GABRA2: variants seen among roughly 807,000 people sequenced by gnomAD.
GABRA2 encodes the protein gamma-aminobutyric acid receptor subunit alpha-2.
Under a neutral mutation model 48.7 loss-of-function variants are expected in GABRA2, and 16 were observed. The ratio of observed to expected loss-of-function variants is 0.33; its 90% CI spans 0.22 to 0.50. The LOEUF (loss-of-function observed/expected upper bound fraction) is 0.50, where lower values mean the gene tolerates loss of function less well. Among genes scored for constraint, GABRA2 ranks in the 20% least tolerant of loss-of-function variants. GABRA2 has a pLI of 0.98. For synonymous variants in GABRA2, 185 were observed against 184.5 expected (o/e 1.00, Z -0.02); for missense variants, 275 against 535.6 (o/e 0.51, Z 4.80).
chr4:46,376,794 T>C (rs1281048237), intron 3 of GABRA2, among the ~76,000 whole-genome samples: 1 of 150,962 alleles, frequency 6.6e-6, no homozygotes. Flanking sequence ...CCTCTCCCTC[T>C]CTCCACGGTC....
At chr4:46,340,966 C>CT (rs1733119259) in intron 3 of GABRA2, among the ~76,000 whole-genome samples, 1 of 151,518 alleles carries the variant, frequency 6.6e-6, no homozygotes, top group South Asian at 2.1e-4. Context: ...CTCAATTAAC[C>CT]TTTTTTAGAT....
chr4:46,286,162 G>A (rs542897705), intron 8 of GABRA2, among the ~76,000 whole-genome samples: 2 of 151,902 alleles, frequency 1.3e-5, no homozygotes, highest in East Asian at 1.9e-4. Context: ...TGTCTCTATG[G>A]ATTTGTCTAT....
chr4:46,365,347 A>G (rs2109976449), intron 3 of GABRA2: 1 of 152,318 alleles, frequency 6.6e-6, no homozygotes, highest in East Asian at 1.9e-4. Flanking sequence ...CATCCCACAA[A>G]GGAAAAATTT....
intron 8 of GABRA2, among the ~76,000 whole-genome samples, chr4:46,277,699 G>T (rs974516285): frequency 2.6e-5 from 4 of 152,048 alleles, no homozygotes; most frequent in Admixed American, 6.6e-5. Context: ...TTATCCATGG[G>T]CTGCAAATTC....
chr4:46,301,767 T>A (rs1026764177), intron 8 of GABRA2, among the ~76,000 whole-genome samples: 16 of 152,198 alleles, frequency 1.1e-4, no homozygotes, highest in Non-Finnish European at 2.2e-4. Context: ...CCCTTCCTGG[T>A]TATATGGTGC....
intron 3 of GABRA2, among the ~76,000 whole-genome samples, chr4:46,337,163 T>A (rs1732387598): frequency 6.6e-6 from 1 of 152,086 alleles, no homozygotes; most frequent in African/African-American, 2.4e-5. Context: ...TTTAAAAATT[T>A]GTAATACAAG....
intron 4 of GABRA2, among the ~76,000 whole-genome samples, chr4:46,316,777 T>C (rs113734188): frequency 3.9e-5 from 6 of 152,068 alleles, no homozygotes; most frequent in African/African-American, 1.4e-4. Context: ...CCTCTATAAA[T>C]TATCTGTTCA....
At chr4:46,310,716 G>A (rs1267800140) in intron 5 of GABRA2, among the ~76,000 whole-genome samples, 1 of 152,116 alleles carries the variant, frequency 6.6e-6, no homozygotes, top group Non-Finnish European at 1.5e-5. Flanking sequence ...AATTGTTACT[G>A]TATACTGCAT....
intron 9 of GABRA2, among the ~76,000 whole-genome samples, chr4:46,252,249 G>A (rs1171297179): frequency 6.6e-6 from 1 of 151,420 alleles, no homozygotes; most frequent in Admixed American, 6.6e-5. Flanking sequence ...AAGGAAGGAT[G>A]AGAGATCACC....
chr4:46,303,411 T>C (rs1726096641), intron 8 of GABRA2, 49 bp downstream of exon 8: 1 of 1,507,894 alleles, frequency 6.6e-7, no homozygotes, highest in African/African-American at 1.4e-5. Flanking sequence ...TTTTTGAAAG[T>C]ATGCTATGAA....
At chr4:46,289,877 T>C (rs1723254188) in intron 8 of GABRA2, among the ~76,000 whole-genome samples, 1 of 146,608 alleles carries the variant, frequency 6.8e-6, no homozygotes, top group Non-Finnish European at 1.5e-5. Flanking sequence ...TATACCAGTT[T>C]ATTTTATTTA....
intron 9 of GABRA2, among the ~76,000 whole-genome samples, chr4:46,258,360 A>G (rs1228247191): frequency 6.6e-6 from 1 of 151,844 alleles, no homozygotes; most frequent in African/African-American, 2.4e-5. Context: ...TACTGCACAC[A>G]CTTATAATGG....
At chr4:46,332,554 T>A in intron 4 of GABRA2, 61 bp downstream of exon 4, 1 of 950,460 alleles carries the variant, frequency 1.1e-6, no homozygotes, top group South Asian at 1.3e-5. Context: ...GCTAGTTTAT[T>A]TGAAATTACC....
At chr4:46,360,086 G>A (rs943489647) in intron 3 of GABRA2, among the ~76,000 whole-genome samples, 1 of 152,144 alleles carries the variant, frequency 6.6e-6, no homozygotes, top group Non-Finnish European at 1.5e-5. Flanking sequence ...CTTTGAAAAT[G>A]TGACTTACCA....
At chr4:46,362,621 A>G (rs1248941950) in intron 3 of GABRA2, among the ~76,000 whole-genome samples, 6 of 152,246 alleles carry the variant, frequency 3.9e-5, no homozygotes, top group Admixed American at 2.6e-4. Flanking sequence ...AAATAGAATT[A>G]ACTTCAAAAA....
intron 4 of GABRA2, 96 bp downstream of exon 4, chr4:46,332,519 T>C (rs1578082272): frequency 1.8e-5 from 13 of 733,450 alleles, no homozygotes; most frequent in Non-Finnish European, 3.0e-5. Flanking sequence ...ATGAGACATA[T>C]ACATAATTCT....
intron 9 of GABRA2, among the ~76,000 whole-genome samples, chr4:46,255,433 T>G (rs1715624354): frequency 1.3e-5 from 2 of 151,518 alleles, no homozygotes; most frequent in African/African-American, 4.8e-5. Flanking sequence ...GGGAAATAAT[T>G]AAACAGGCTA....
At position 46,304,799 on chromosome 4, in the gene GABRA2, G is replaced by A. The variant is rs140624662; in HGVS notation, c.703+769C>T. On this transcript the variant is annotated intron_variant, in intron 7 of 9. Transcript: ENST00000381620. ...AAAAATTAGCTCAGCGTGGTGGTGC[G>A]CCTATAGTCCCAGCTACTCGGGAGG... is the stretch of plus-strand genomic sequence containing the variant. 3.3e-3 allele frequency among the ~76,000 whole-genome samples: 504 copies of A among 151,296 alleles called. 3 individuals are homozygous for A. The highest frequency in any genetic ancestry group is 0.024 in the Middle Eastern group (7 of 288).
chr4:46,261,747 A>G (rs1394760276), intron 9 of GABRA2, 179 bp downstream of exon 9: 7 of 633,894 alleles, frequency 1.1e-5, no homozygotes, highest in African/African-American at 3.7e-5. Context: ...TAATGGAAGT[A>G]TTAGTACTAC....
Sources: gnomAD v4.1 joint callset for allele counts (sites outside exome capture counted in the v4.1 genomes callset) on GRCh38, gnomAD v4.1.1 for gene constraint, MANE v1.5 for transcripts, NCBI Gene and HGNC (gene_info 2026-07-23, HGNC 2026-07-21) for gene names.